The following SNX14 variants were observed in gnomAD, a reference collection of about 807,000 sequenced individuals.
SNX14 encodes sorting nexin-14.
A neutral mutation model predicts 133.8 loss-of-function variants in SNX14; 93 were observed. The ratio of observed to expected loss-of-function variants is 0.70; its 90% CI spans 0.59 to 0.83. SNX14 has a LOEUF of 0.83. Ranked by LOEUF, SNX14 falls within the 40% of genes least tolerant of loss-of-function variation. The pLI is 0.00. For synonymous variants in SNX14, 368 were observed against 365.6 expected (o/e 1.01, Z -0.07); for missense variants, 945 against 1,094.9 (o/e 0.86, Z 1.93).
chr6:85,573,115 CCT>C lies in SNX14; in HGVS notation c.262-743_262-742del. ...TGGGGCACCACGTTCAGTTGTGTTT[CCT>C]CTGAGTAGAAATACCAACAAACCCA... On this transcript the variant is annotated intron_variant, in intron 2 of 28. Transcript: ENST00000314673. Among the ~76,000 whole-genome samples, 6 of 152,306 alleles carry C rather than the reference CCT, an allele frequency of 3.9e-5. 1 individual carries two copies. The highest frequency in any genetic ancestry group is 3.9e-4 in the Admixed American group (6 of 15,296).
In SNX14 at chr6:85,558,038, G is replaced by T. The variant is rs773557814; in HGVS notation, c.572C>A (p.Thr191Asn). The T allele has an allele frequency of 1.8e-5, 29 of 1,573,934 alleles. No individual in the cohort carries two copies. The Admixed American group carries it at 4.3e-4, about 23-fold the overall frequency. Reference sequence around the variant, plus strand: ...CATTGCTGCTTTTAATAGTTTCTTGGTTATAATAGATGGAATATCCACCTA... The same window carrying T: ...CATTGCTGCTTTTAATAGTTTCTTGTTTATAATAGATGGAATATCCACCTA... ...IHKVDIPSII[T>N]KKLLKAAMKH... Residue 191 changes from threonine (T) to asparagine (N), a missense_variant, in exon 7 of 29, where the codon ACC (threonine) becomes AAC (asparagine). Around this residue, in one of 3 missense-constraint regions of SNX14, gnomAD observed 514 missense variants for 538.8 expected, o/e 0.95. Coordinates refer to ENST00000314673, the MANE Select transcript of SNX14 (RefSeq NM_153816.6).
chr6:85,543,357 T>C, intron 13 of SNX14, 51 bp from the exon 14 acceptor site: 2 of 1,459,278 alleles, frequency 1.4e-6, no homozygotes, highest in Non-Finnish European at 9.1e-7. Flanking sequence ...CATAAATATA[T>C]ACAGTTCTAA....
At chr6:85,548,684 A>G (rs1786656310) in intron 8 of SNX14, among the ~76,000 whole-genome samples, 1 of 152,070 alleles carries the variant, frequency 6.6e-6, no homozygotes, top group Non-Finnish European at 1.5e-5. Context: ...AAAACTCTCT[A>G]TCGGCCGGGT....
intron 23 of SNX14, 43 bp downstream of exon 23, chr6:85,517,713 G>A (rs1291155349): frequency 1.3e-6 from 2 of 1,536,704 alleles, no homozygotes; most frequent in South Asian, 1.3e-5. Context: ...TCTCAAGTAG[G>A]GCAACTTAAA....
intron 6 of SNX14, among the ~76,000 whole-genome samples, chr6:85,559,026 TA>T (rs1790688823): frequency 6.6e-6 from 1 of 152,094 alleles, no homozygotes; most frequent in African/African-American, 2.4e-5. Flanking sequence ...CCATAAAACT[TA>T]ATATATTATA....
At position 85,505,895 on chromosome 6, in the gene SNX14, C is replaced by T. The variant is rs556356129; in HGVS notation, c.*72G>A. 3.8e-6 allele frequency: 4 copies of T among 1,061,426 alleles called. No individual in the cohort carries two copies. Among genetic ancestry groups the T allele is most frequent in the South Asian group, 1.3e-5 (1 of 77,064 alleles). The allele number at this position is 1,061,426 out of a possible 1,614,324, so 65.8% of individuals were successfully genotyped here. A position where few individuals can be genotyped will look rare whatever the true frequency, so the allele number is the denominator to read the frequency against. On this transcript the variant is annotated 3_prime_UTR_variant, in exon 29 of 29. Coordinates refer to ENST00000314673, the MANE Select transcript of SNX14 (RefSeq NM_153816.6). The stretch of plus-strand genomic sequence containing the variant: ...TACATAATATATATAAGAATATACC[C>T]AAAAAAGTAAATTTCTACCACCCTC...
chr6:85,575,854 G>A (rs1344831537), intron 1 of SNX14, among the ~76,000 whole-genome samples: 1 of 152,120 alleles, frequency 6.6e-6, no homozygotes, highest in African/African-American at 2.4e-5. Flanking sequence ...TTAGGAGTAT[G>A]GTAATTCACC....
intron 7 of SNX14, among the ~76,000 whole-genome samples, chr6:85,554,633 T>G (rs1008070641): frequency 1.4e-4 from 22 of 152,160 alleles, no homozygotes; most frequent in Non-Finnish European, 7.3e-5. Context: ...CTCTGAGCCT[T>G]TACTTCTATG....
intron 21 of SNX14, among the ~76,000 whole-genome samples, chr6:85,523,617 C>T (rs1164016057): frequency 2.0e-5 from 3 of 152,072 alleles, no homozygotes; most frequent in Non-Finnish European, 4.4e-5. Flanking sequence ...ACTAAAAATA[C>T]AAAAATTATC....
At chr6:85,592,712 G>A (rs751958751) in intron 1 of SNX14, among the ~76,000 whole-genome samples, 4 of 152,054 alleles carry the variant, frequency 2.6e-5, no homozygotes, top group South Asian at 2.1e-4. Flanking sequence ...GGATGTGGCC[G>A]GGTGCGGTGG....
chr6:85,546,658 T>C (rs981933698), intron 12 of SNX14, among the ~76,000 whole-genome samples: 1 of 152,062 alleles, frequency 6.6e-6, no homozygotes, highest in Non-Finnish European at 1.5e-5. Flanking sequence ...AACCCACATA[T>C]GCTCTTAGAA....
At chr6:85,562,883 C>T (rs536364045) in intron 6 of SNX14, among the ~76,000 whole-genome samples, 44 of 152,030 alleles carry the variant, frequency 2.9e-4, no homozygotes, top group Non-Finnish European at 5.0e-4. Context: ...GGTGCATGGC[C>T]TGGAGTATAG....
chr6:85,552,030 A>AGCT (rs1562310764), intron 7 of SNX14, among the ~76,000 whole-genome samples: 1 of 141,538 alleles, frequency 7.1e-6, no homozygotes, highest in Non-Finnish European at 1.5e-5. Context: ...TGTGTTGGGA[A>AGCT]TCTTTTTTTT....
At chr6:85,544,111 AAAAATG>A (rs1440135261) in intron 12 of SNX14, among the ~76,000 whole-genome samples, 2 of 152,192 alleles carry the variant, frequency 1.3e-5, no homozygotes, top group Non-Finnish European at 2.9e-5. Context: ...AAATAAAAAT[AAAAATG>A]AAGACTTTTT....
chr6:85,550,788 CT>C (rs891512349), intron 7 of SNX14, among the ~76,000 whole-genome samples: 172 of 143,866 alleles, frequency 1.2e-3, no homozygotes, highest in Middle Eastern at 3.6e-3. Flanking sequence ...CCTCAAAATT[CT>C]TTTTTTTTTT....
In SNX14 at chr6:85,586,567, A is replaced by G. The variant is rs1212216725; in HGVS notation, c.140+7012T>C. Among the ~76,000 whole-genome samples the G allele has an allele frequency of 3.9e-5, 6 of 152,032 alleles. No homozygotes were observed. In the East Asian group the frequency reaches 1.2e-3, roughly 29 times the overall value. ...TTTGTAATATTATAGTTTTGTATGGAAGTGATTTTTTTTTTATTTCTATCT... is the reference window on the plus strand; with the variant it reads ...TTTGTAATATTATAGTTTTGTATGGGAGTGATTTTTTTTTTATTTCTATCT... On this transcript the variant is annotated intron_variant, in intron 1 of 28. Transcript: ENST00000314673.
At chr6:85,527,510 C>T (rs1778879816) in intron 20 of SNX14, among the ~76,000 whole-genome samples, 1 of 151,604 alleles carries the variant, frequency 6.6e-6, no homozygotes, top group Non-Finnish European at 1.5e-5. Context: ...TTCTTTTTGG[C>T]TAGGAAGCAT....
chr6:85,570,409 A>T (rs962899257), intron 4 of SNX14, among the ~76,000 whole-genome samples: 2 of 152,240 alleles, frequency 1.3e-5, no homozygotes, highest in Admixed American at 6.5e-5. Context: ...GCACTCTCCA[A>T]CAGAAATATA....
intron 1 of SNX14, among the ~76,000 whole-genome samples, chr6:85,586,006 A>C (rs1355829524): frequency 3.3e-5 from 5 of 152,170 alleles, no homozygotes; most frequent in South Asian, 4.1e-4. Context: ...AAAAAAAAAA[A>C]AACTAAATCT....
Sources: gnomAD v4.1 joint callset for allele counts (sites outside exome capture counted in the v4.1 genomes callset) on GRCh38, gnomAD v4.1.1 for gene constraint, gnomAD v4.1.1 regional missense constraint, MANE v1.5 for transcripts, NCBI Gene and HGNC (gene_info 2026-07-23, HGNC 2026-07-21) for gene names.